The following ROBO2 variants were observed in gnomAD, a reference collection of about 807,000 sequenced individuals.
ROBO2 encodes roundabout homolog 2.
In ROBO2, 53 loss-of-function variants were observed where a neutral mutation model predicts 160.8. The ratio of observed to expected loss-of-function variants is 0.33; its 90% confidence interval spans 0.26 to 0.41. The LOEUF is 0.41. ROBO2 is among the 10% of genes least tolerant of loss of function. The pLI, the probability that ROBO2 is intolerant of heterozygous loss-of-function variation, is 1.00. For synonymous variants in ROBO2, 664 were observed against 611.7 expected (o/e 1.09, Z -1.26); for missense variants, 1,577 against 1,722.4 (o/e 0.92, Z 1.49).
intron 2 of ROBO2, among the ~76,000 whole-genome samples, chr3:77,020,278 T>C (rs2062547318): frequency 6.6e-6 from 1 of 152,166 alleles, no homozygotes; most frequent in Non-Finnish European, 1.5e-5. Flanking sequence ...CAGCACTGAA[T>C]AATTTATCAA....
chr3:76,851,511 G>A (rs922868964), intron 2 of ROBO2, among the ~76,000 whole-genome samples: 12 of 151,636 alleles, frequency 7.9e-5, no homozygotes, highest in Non-Finnish European at 1.5e-4. Flanking sequence ...CGAGGCGGGT[G>A]GATCATGAGG....
At chr3:76,109,291 C>G (rs1011902721) in intron 2 of ROBO2, among the ~76,000 whole-genome samples, 2 of 151,756 alleles carry the variant, frequency 1.3e-5, no homozygotes, top group Non-Finnish European at 2.9e-5. Context: ...AAAACTATGA[C>G]TGATTGGTAG....
intron 2 of ROBO2, among the ~76,000 whole-genome samples, chr3:77,229,029 A>G (rs2086835164): frequency 6.6e-6 from 1 of 152,174 alleles, no homozygotes; most frequent in South Asian, 2.1e-4. Flanking sequence ...TGCCAAACCA[A>G]TGCAATCAAC....
intron 2 of ROBO2, among the ~76,000 whole-genome samples, chr3:75,950,091 T>A (rs1279866111): frequency 6.6e-6 from 1 of 152,048 alleles, no homozygotes; most frequent in Non-Finnish European, 1.5e-5. Flanking sequence ...TCATATGCAA[T>A]CTCTAAATCA....
Position 77,471,568 on chromosome 3 carries a change from A to G in ROBO2, c.389-5846A>G, listed in dbSNP as rs1343326462. 2.6e-5 allele frequency among the ~76,000 whole-genome samples: 4 copies of G among 152,348 alleles called. No homozygotes were observed. In the East Asian group the frequency reaches 7.7e-4, roughly 29 times the overall value. On this transcript the variant is annotated intron_variant, in intron 2 of 25. Transcript: ENST00000461745. ...GGCACCGTGCATGATCAGAGAAAGT[A>G]TATGAAAAGAGAGTAAGAGAGGAGT... is the stretch of plus-strand genomic sequence containing the variant.
rs560914270 is a variant in ROBO2 at position 76,687,784 on chromosome 3, C to A, written c.110-410230C>A. ...AGTTTTATTTTCTGAAAAAAATTAC[C>A]ATGAAATACCAAAAATGTCAAATCA... On this transcript the variant is annotated intron_variant, in intron 2 of 26. Transcript: ENST00000487694. 6.6e-5 allele frequency among the ~76,000 whole-genome samples: 10 copies of A among 151,860 alleles called. No individual in the cohort carries two copies. The Admixed American group carries it at 6.6e-4, about 10-fold the overall frequency.
At chr3:76,834,062 T>TTTCCTTTCTTTCTTTCTTTC (rs368797764) in intron 2 of ROBO2, among the ~76,000 whole-genome samples, 9 of 88,012 alleles carry the variant, frequency 1.0e-4, no homozygotes, top group African/African-American at 4.1e-4. Context: ...CCTTTCTTTC[T>TTTCCTTTCTTTCTTTCTTTC]TTTCTTTCTT....
At chr3:77,235,940 A>G (rs997538760) in intron 2 of ROBO2, among the ~76,000 whole-genome samples, 7 of 152,184 alleles carry the variant, frequency 4.6e-5, no homozygotes, top group African/African-American at 1.4e-4. Context: ...TTTTCACCCA[A>G]AGTCCACAGC....
intron 2 of ROBO2, among the ~76,000 whole-genome samples, chr3:76,323,231 G>A (rs1356961139): frequency 1.3e-5 from 2 of 151,464 alleles, no homozygotes; most frequent in African/African-American, 4.9e-5. Flanking sequence ...CCAGCATTGT[G>A]TTAAATGCTT....
intron 2 of ROBO2, among the ~76,000 whole-genome samples, chr3:77,381,058 G>A (rs1320591226): frequency 6.6e-6 from 1 of 152,186 alleles, no homozygotes; most frequent in Non-Finnish European, 1.5e-5. Flanking sequence ...GCTCACGCCT[G>A]TAATCCCAGC....
chr3:76,257,673 T>C (rs1706486595), intron 2 of ROBO2, among the ~76,000 whole-genome samples: 1 of 151,956 alleles, frequency 6.6e-6, no homozygotes, highest in Non-Finnish European at 1.5e-5. Flanking sequence ...CTGATCGCTA[T>C]TGTATAGTGT....
At chr3:77,478,974 A>G (rs1360025519) in intron 3 of ROBO2, among the ~76,000 whole-genome samples, 1 of 152,302 alleles carries the variant, frequency 6.6e-6, no homozygotes, top group East Asian at 1.9e-4. Context: ...ATGTATTTAT[A>G]TGTAAGTGCA....
chr3:77,293,468 T>C (rs1243226993), intron 2 of ROBO2, among the ~76,000 whole-genome samples: 3 of 143,528 alleles, frequency 2.1e-5, no homozygotes, highest in Non-Finnish European at 4.5e-5. Flanking sequence ...AATTGACGGT[T>C]AAATGGGTAA....
chr3:77,456,951 C>G (rs984503825), intron 2 of ROBO2, among the ~76,000 whole-genome samples: 1 of 152,174 alleles, frequency 6.6e-6, no homozygotes, highest in Non-Finnish European at 1.5e-5. Context: ...ATTTACACAT[C>G]TTCTTTCTGT....
At chr3:76,712,393 G>C (rs895246567) in intron 2 of ROBO2, among the ~76,000 whole-genome samples, 1 of 152,008 alleles carries the variant, frequency 6.6e-6, no homozygotes, top group Non-Finnish European at 1.5e-5. Context: ...TCTGCTTTTA[G>C]GCCAGGCATG....
At chr3:77,507,120 A>G (rs1276295652) in intron 5 of ROBO2, among the ~76,000 whole-genome samples, 1 of 152,198 alleles carries the variant, frequency 6.6e-6, no homozygotes, top group Non-Finnish European at 1.5e-5. Context: ...CCTCATTTTC[A>G]AATAGACCTA....
At chr3:76,269,205 A>C (rs1363775581) in intron 2 of ROBO2, among the ~76,000 whole-genome samples, 2 of 152,112 alleles carry the variant, frequency 1.3e-5, no homozygotes, top group African/African-American at 4.8e-5. Flanking sequence ...AATTGCTTGT[A>C]GTGATGGATA....
chr3:77,087,820 G>A (rs1395374177), intron 1 of ROBO2, among the ~76,000 whole-genome samples: 1 of 151,470 alleles, frequency 6.6e-6, no homozygotes, highest in African/African-American at 2.4e-5. Flanking sequence ...TAGGAATGTT[G>A]TATATATATA....
chr3:77,467,355 G>A (rs2082868321), intron 2 of ROBO2, among the ~76,000 whole-genome samples: 1 of 152,152 alleles, frequency 6.6e-6, no homozygotes, highest in African/African-American at 2.4e-5. Context: ...GGAATGCAGA[G>A]AGTTAGAGAA....
Sources: gnomAD v4.1 joint callset for allele counts (sites outside exome capture counted in the v4.1 genomes callset) on GRCh38, gnomAD v4.1.1 for gene constraint, MANE v1.5 for transcripts, NCBI Gene and HGNC (gene_info 2026-07-23, HGNC 2026-07-21) for gene names.